The following BCAR1 variants were observed in gnomAD, a reference collection of about 807,000 sequenced individuals.
The protein encoded by BCAR1 is breast cancer anti-estrogen resistance protein 1.
Under a neutral mutation model 67.6 loss-of-function variants are expected in BCAR1, and 30 were observed. That is an observed-to-expected ratio of 0.44 (90% CI 0.33 to 0.60). The LOEUF is 0.60. Ranked by LOEUF, BCAR1 falls within the 20% of genes least tolerant of loss-of-function variation. The pLI is 0.02. For synonymous variants in BCAR1, 626 were observed against 556.7 expected (o/e 1.12, Z -1.75); for missense variants, 1,313 against 1,222.3 (o/e 1.07, Z -1.11).
chr16:75,253,019 G>T (rs1168434635), upstream of BCAR1, among the ~76,000 whole-genome samples: 4 of 152,212 alleles, frequency 2.6e-5, no homozygotes, highest in Non-Finnish European at 5.9e-5. Flanking sequence ...CAGCACAGCG[G>T]GTGAGGAAGG....
At chr16:75,234,256 G>C (rs1461658129) in intron 5 of BCAR1, among the ~76,000 whole-genome samples, 1 of 151,908 alleles carries the variant, frequency 6.6e-6, no homozygotes, top group Non-Finnish European at 1.5e-5. Context: ...CACATGCGGG[G>C]ACACACAGAG....
intron 1 of BCAR1, chr16:75,263,324 GGT>G: frequency 1.0e-6 from 1 of 985,454 alleles, no homozygotes; most frequent in Non-Finnish European, 1.2e-6. Context: ...AGAGGTCTGA[GGT>G]GGGTGGCACA....
upstream of BCAR1, chr16:75,252,282 G>A (rs1159323044): frequency 6.5e-7 from 1 of 1,536,590 alleles, no homozygotes; most frequent in Non-Finnish European, 8.7e-7. Flanking sequence ...TGGTCCTCCA[G>A]CTGATCTGCC....
chr16:75,239,085 A>C (rs2077244130), intron 2 of BCAR1: 1 of 985,326 alleles, frequency 1.0e-6, no homozygotes. Context: ...GGGTGGCAGT[A>C]GGCAGCCACA....
Position 75,235,124 on chromosome 16 carries a change from T to C in BCAR1, c.1775A>G (p.Gln592Arg). 1.2e-6 allele frequency: 2 copies of C among 1,610,618 alleles called. No homozygotes were observed. Among genetic ancestry groups the C allele is most frequent in the South Asian group, 1.1e-5 (1 of 91,088 alleles). The change falls in exon 5 of 7, where the codon CAG becomes CGG. Residue 592 changes from glutamine (Q) to arginine (R), a missense_variant. Transcript: ENST00000162330. ...ATTGCCGTGCAGGAAGGAGGCCAGCTGCTTGGCGTCCTCGGGCACAGCCCG... is the reference window on the plus strand; with the variant it reads ...ATTGCCGTGCAGGAAGGAGGCCAGCCGCTTGGCGTCCTCGGGCACAGCCCG... ...CSRAVPEDAK[Q>R]LASFLHGNAS...
At chr16:75,266,910 G>A (rs1402104300) in intron 1 of BCAR1, 10 of 671,544 alleles carry the variant, frequency 1.5e-5, no homozygotes, top group African/African-American at 5.6e-5. Context: ...GGACCTGGGG[G>A]CAGAAAGCTC....
intron 1 of BCAR1, chr16:75,263,874 A>G: frequency 9.9e-7 from 1 of 1,009,696 alleles, no homozygotes; most frequent in Non-Finnish European, 1.2e-6. Flanking sequence ...CGAACACTTC[A>G]AGACTGTTCC....
rs761591180 is a variant in BCAR1 at position 75,229,771 on chromosome 16, C to T, written c.2353G>A (p.Val785Ile). ...PKIFVAHSKFVILSAHKLVFI... is the reference protein window; with the variant it reads ...PKIFVAHSKFIILSAHKLVFI... ...ACCAGCTTGTGGGCGCTGAGGATGACGAACTTGCTGTGCGCCACAAAGATC... is the reference window on the plus strand; with the variant it reads ...ACCAGCTTGTGGGCGCTGAGGATGATGAACTTGCTGTGCGCCACAAAGATC... The change falls in exon 7 of 7, where the codon GTC becomes ATC. Residue 785 changes from valine (V) to isoleucine (I), a missense_variant. Val to Ile is a conservative substitution (Grantham distance 29, BLOSUM62 3). Transcript: ENST00000162330. 13 of 1,613,368 alleles carry T rather than the reference C, an allele frequency of 8.1e-6. No homozygotes were observed. The highest frequency in any genetic ancestry group is 4.0e-5 in the African/African-American group (3 of 74,946).
At chr16:75,237,412 G>C in intron 2 of BCAR1, 68 bp from the exon 3 acceptor site, 1 of 1,395,690 alleles carries the variant, frequency 7.2e-7, no homozygotes, top group Admixed American at 3.5e-5. Flanking sequence ...ACTCACACCT[G>C]GGAGCCACGT....
chr16:75,264,624 G>A (rs1253557201), intron 1 of BCAR1: 5 of 1,267,786 alleles, frequency 3.9e-6, no homozygotes, highest in African/African-American at 3.0e-5. Flanking sequence ...TACCACTTCT[G>A]GAGGCGAGCA....
upstream of BCAR1, among the ~76,000 whole-genome samples, chr16:75,252,877 C>T (rs932199261): frequency 6.6e-6 from 1 of 152,190 alleles, no homozygotes; most frequent in Non-Finnish European, 1.5e-5. Context: ...GGGGCTAGGA[C>T]AGCCCATGAT....
In BCAR1 at chr16:75,235,509, C is replaced by A; in HGVS notation, c.1390G>T (p.Ala464Ser). Residue 464 changes from alanine (A) to serine (S), a missense_variant, in exon 5 of 7, where the codon GCA (alanine) becomes TCA (serine). Coordinates refer to ENST00000162330, the MANE Select transcript of BCAR1 (RefSeq NM_014567.5). ...LELEVAVEALARLQQGVSATV... is the reference protein window; with the variant it reads ...LELEVAVEALSRLQQGVSATV... ...GCGCTCACACCCTGCTGCAGCCGTGCCAGGGCCTCCACAGCAACTTCCAGC... is the reference window on the plus strand; with the variant it reads ...GCGCTCACACCCTGCTGCAGCCGTGACAGGGCCTCCACAGCAACTTCCAGC... The A allele has an allele frequency of 6.3e-7, 1 of 1,596,526 alleles. No homozygotes were observed. Among genetic ancestry groups the A allele is most frequent in the Non-Finnish European group, 8.5e-7 (1 of 1,172,498 alleles).
Position 75,235,673 on chromosome 16 carries a change from A to G in BCAR1, c.1226T>C (p.Val409Ala), listed in dbSNP as rs1026423984. Residue 409 changes from valine (V) to alanine (A), a missense_variant, in exon 5 of 7, where the codon GTG (valine) becomes GCG (alanine). Val to Ala is a moderately conservative substitution (Grantham distance 64). Around this residue, in one of 2 missense-constraint regions of BCAR1, gnomAD observed 1,272 missense variants for 1,137.5 expected, o/e 1.12. Coordinates refer to ENST00000162330, the MANE Select transcript of BCAR1 (RefSeq NM_014567.5). ...TTCAGCTGGGGGAGGCACCGCATACACACCACTGTCGACCACGCCACCATC... is the reference window on the plus strand; with the variant it reads ...TTCAGCTGGGGGAGGCACCGCATACGCACCACTGTCGACCACGCCACCATC... ...VADGGVVDSGVYAVPPPAERE... is the reference protein window; with the variant it reads ...VADGGVVDSGAYAVPPPAERE... 9 of 1,611,538 alleles carry G rather than the reference A, an allele frequency of 5.6e-6. No homozygotes were observed. In the African/African-American group the frequency reaches 1.1e-4, roughly 19 times the overall value.
chr16:75,238,228 C>T (rs1310469748), intron 2 of BCAR1: 3 of 1,181,800 alleles, frequency 2.5e-6, no homozygotes, highest in Non-Finnish European at 3.2e-6. Context: ...CAGCCTCCTT[C>T]CCTGAAGGTC....
Position 75,235,419 on chromosome 16 carries a change from A to G in BCAR1, c.1480T>C (p.Ser494Pro), listed in dbSNP as rs371179579. The change falls in exon 5 of 7, where the codon TCT (serine) becomes CCT (proline). Residue 494 changes from serine to proline, a missense_variant. By Grantham distance (74) the Ser-to-Pro change is moderately conservative (BLOSUM62 -1). Coordinates refer to ENST00000162330, the MANE Select transcript of BCAR1 (RefSeq NM_014567.5). ...TGCACCAGCGGCTCCTGTGGCTCAG[A>G]GGGGCTACGCCAGCTCCCAGTCGCA... ...AGATGSWRSP[S>P]EPQEPLVQDL... The G allele has an allele frequency of 3.2e-4, 509 of 1,608,124 alleles. 3 individuals carry two copies. The South Asian group carries it at 5.2e-3, about 16-fold the overall frequency.
intron 1 of BCAR1, chr16:75,243,545 A>C: frequency 2.1e-6 from 1 of 483,564 alleles, no homozygotes; most frequent in Non-Finnish European, 4.1e-6. Context: ...AATGAACAAC[A>C]ATAAGACAGA....
intron 1 of BCAR1, among the ~76,000 whole-genome samples, chr16:75,245,513 G>A (rs919086048): frequency 1.4e-4 from 22 of 152,240 alleles, no homozygotes; most frequent in Non-Finnish European, 5.9e-5. Context: ...CTCTGTGGAG[G>A]GAAGGGCCCT....
intron 1 of BCAR1, chr16:75,248,024 C>T: frequency 1.5e-6 from 2 of 1,332,352 alleles, no homozygotes; most frequent in African/African-American, 1.4e-5. Flanking sequence ...CTCATTTAAC[C>T]CTCAAAACAA....
At chr16:75,254,163 C>T (rs1014811392), upstream of BCAR1, among the ~76,000 whole-genome samples, 1 of 152,132 alleles carries the variant, frequency 6.6e-6, no homozygotes, top group African/African-American at 2.4e-5. Flanking sequence ...CCATCCCACA[C>T]ATTTCGGGGC....
Sources: allele counts gnomAD v4.1 joint callset (sites outside exome capture counted in the v4.1 genomes callset), GRCh38; gene constraint gnomAD v4.1.1; regional missense constraint gnomAD v4.1.1; transcripts MANE v1.5; gene names NCBI Gene and HGNC (gene_info 2026-07-23, HGNC 2026-07-21).